The following ABCA1 variants were observed in gnomAD, a reference collection of about 807,000 sequenced individuals.
The protein encoded by ABCA1 is phospholipid-transporting ATPase ABCA1.
A neutral mutation model predicts 262.5 loss-of-function variants in ABCA1; 133 were observed. The observed-to-expected ratio is 0.51, with a 90% CI of 0.44 to 0.59. The LOEUF is 0.59. ABCA1 is among the 20% of genes least tolerant of loss of function. The probability of loss-of-function intolerance (pLI) is 0.00; values close to 1 mark genes in which losing one functional copy is unlikely to be tolerated. For missense variants in ABCA1, 2,452 were observed against 2,777.5 expected, an observed-to-expected ratio of 0.88 and a Z score of 2.63; for synonymous variants, 1,022 against 1,043.5, an observed-to-expected ratio of 0.98 and a Z score of 0.40.
intron 5 of ABCA1, among the ~76,000 whole-genome samples, chr9:104,876,590 A>T (rs1309294301): frequency 6.6e-6 from 1 of 152,252 alleles, no homozygotes; most frequent in Non-Finnish European, 1.5e-5. Context: ...CCCATTAGGT[A>T]TCACTAAGCA....
chr9:104,843,791 T>C, intron 8 of ABCA1, among the ~76,000 whole-genome samples: 1 of 151,696 alleles, frequency 6.6e-6, no homozygotes. Flanking sequence ...GTGCATTTAT[T>C]GATCTTCTCC....
intron 1 of ABCA1, among the ~76,000 whole-genome samples, chr9:104,919,519 G>A (rs1337826258): frequency 6.6e-6 from 1 of 152,146 alleles, no homozygotes; most frequent in African/African-American, 2.4e-5. Context: ...GGTTGAGGCA[G>A]GAGAACTGCT....
chr9:104,832,620 A>G lies in ABCA1; in HGVS notation c.1463T>C (p.Phe488Ser). The change falls in exon 12 of 50, where the codon TTC becomes TCC. Residue 488 changes from phenylalanine to serine, a missense_variant. Phe to Ser is a radical substitution (Grantham distance 155). Around this residue, in one of 4 missense-constraint regions of ABCA1, gnomAD observed 1,032 missense variants for 1,089.7 expected, o/e 0.95. Coordinates refer to ENST00000374736, the MANE Select transcript of ABCA1 (RefSeq NM_005502.4). ...CCGGATTGCCTGGTTAGTCTCGTTG[A>G]AAGCTTCTCTCCAGGTGTACACAGA... Reference protein sequence around the residue: ...NGSVYTWREAFNETNQAIRTI... With the variant: ...NGSVYTWREASNETNQAIRTI... 6.2e-7 allele frequency: 1 copy of G among 1,614,226 alleles called. No individual in the cohort carries two copies. The highest frequency in any genetic ancestry group is 8.5e-7 in the Non-Finnish European group (1 of 1,180,042).
chr9:104,922,441 C>G (rs1420928936), intron 1 of ABCA1, among the ~76,000 whole-genome samples: 5 of 152,164 alleles, frequency 3.3e-5, no homozygotes, highest in Admixed American at 6.5e-5. Flanking sequence ...GTCTGGGATG[C>G]GACTTCAGCT....
At chr9:104,796,615 T>C (rs1224815769) in intron 37 of ABCA1, among the ~76,000 whole-genome samples, 191 bp from the exon 38 acceptor site, 5 of 152,228 alleles carry the variant, frequency 3.3e-5, no homozygotes, top group African/African-American at 1.2e-4. Context: ...TCCCCTTGGC[T>C]GATTTTATAA....
At chr9:104,871,631 C>T (rs1314801064) in intron 5 of ABCA1, among the ~76,000 whole-genome samples, 1 of 152,112 alleles carries the variant, frequency 6.6e-6, no homozygotes, top group Non-Finnish European at 1.5e-5. Flanking sequence ...AAAGAACCAA[C>T]ATCAGAAAAA....
intron 22 of ABCA1, among the ~76,000 whole-genome samples, chr9:104,819,199 G>C (rs1832047905): frequency 6.6e-6 from 1 of 152,146 alleles, no homozygotes; most frequent in African/African-American, 2.4e-5. Context: ...TATCGGCAAA[G>C]AAGGTGAGGC....
At position 104,840,524 on chromosome 9, in the gene ABCA1, C is replaced by T. The variant is rs944728598; in HGVS notation, c.814-5G>A. 11 of 1,608,704 alleles carry T rather than the reference C, an allele frequency of 6.8e-6. No individual in the cohort carries two copies. The highest frequency in any genetic ancestry group is 4.6e-5 in the East Asian group (2 of 43,894). ...CCAGCTTCTCATGCTGAACAGCTGG[C>T]GTCAGGGATGGGGACAGAAAGGAGG... is the stretch of plus-strand genomic sequence containing the variant. On this transcript the variant is annotated splice_polypyrimidine_tract_variant and splice_region_variant and intron_variant, in intron 8 of 49. Transcript: ENST00000374736.
chr9:104,787,779 C>G (rs1407864891), intron 46 of ABCA1, 141 bp downstream of exon 46: 1 of 1,571,500 alleles, frequency 6.4e-7, no homozygotes, highest in Non-Finnish European at 8.7e-7. Flanking sequence ...AGAAGCTTCC[C>G]TCTGCTTTTC....
Position 104,783,847 on chromosome 9 carries a change from T to C in ABCA1, c.*468A>G, listed in dbSNP as rs1828683706. On this transcript the variant is annotated 3_prime_UTR_variant, in exon 50 of 50. Transcript: ENST00000374736. Reference sequence around the variant, plus strand: ...ACTCTGGCACACTCATTGCCAGCAATGGATGTGTCACCGGGAAACCAGTCT... The same window carrying C: ...ACTCTGGCACACTCATTGCCAGCAACGGATGTGTCACCGGGAAACCAGTCT... The C allele has an allele frequency of 5.9e-6, 1 of 169,598 alleles. No individual in the cohort carries two copies. The highest frequency in any genetic ancestry group is 1.5e-4 in the South Asian group (1 of 6,822). 10.5% of individuals were successfully genotyped at this position (169,598 alleles called of 1,614,324 possible). A position where few individuals can be genotyped will look rare whatever the true frequency, so the allele number is the denominator to read the frequency against.
At chr9:104,906,618 T>C (rs1053799675) in intron 1 of ABCA1, among the ~76,000 whole-genome samples, 6 of 151,916 alleles carry the variant, frequency 3.9e-5, no homozygotes, top group Non-Finnish European at 8.8e-5. Context: ...CAGAACACAA[T>C]GATCAATACT....
rs112576543 is a variant in ABCA1, at chr9:104,812,517, C to G, written c.4050+57G>C. 9 of 1,611,182 alleles carry G rather than the reference C, an allele frequency of 5.6e-6. 1 individual carries two copies. In the African/African-American group the frequency reaches 6.7e-5, roughly 12 times the overall value. ...GATGCTATCCTGCCTTCACTGGTCA[C>G]AGAGCCTGCAGCCCACCCATGAAGC... On this transcript the variant is annotated intron_variant, in intron 28 of 49. Coordinates refer to ENST00000374736, the MANE Select transcript of ABCA1 (RefSeq NM_005502.4).
At chr9:104,791,149 TG>T (rs1263841895) in intron 43 of ABCA1, 121 bp from the exon 44 acceptor site, 12 of 715,528 alleles carry the variant, frequency 1.7e-5, no homozygotes, top group Non-Finnish European at 2.5e-5. Context: ...AATATTTTCT[TG>T]GTTTTAACAC....
At chr9:104,906,165 G>A (rs1031773015) in intron 1 of ABCA1, among the ~76,000 whole-genome samples, 1 of 152,160 alleles carries the variant, frequency 6.6e-6, no homozygotes, top group Non-Finnish European at 1.5e-5. Flanking sequence ...CAAACAGGAC[G>A]TTCCATTATT....
chr9:104,855,208 T>G, intron 7 of ABCA1: 4 of 976,368 alleles, frequency 4.1e-6, no homozygotes, highest in Non-Finnish European at 2.4e-6. Flanking sequence ...CTTTTTTTTC[T>G]TTTTCTGAGA....
In ABCA1 at chr9:104,814,130, C is replaced by G; in HGVS notation, c.3889G>C (p.Asp1297His). Residue 1297 changes from aspartate to histidine, a missense_variant, in exon 27 of 50, where the codon GAC becomes CAC. Coordinates refer to ENST00000374736, the MANE Select transcript of ABCA1 (RefSeq NM_005502.4). ...TGCCCTAACAGACCTGGGTCTATGT[C>G]AGAATCATTTGGATCAGCAGCATCA... The part of the protein sequence containing the change: ...EDDAADPNDS[D>H]IDPESRETDL... The G allele has an allele frequency of 6.2e-7, 1 of 1,614,198 alleles. No homozygotes were observed. The highest frequency in any genetic ancestry group is 8.5e-7 in the Non-Finnish European group (1 of 1,180,042).
At chr9:104,825,572 T>C (rs1346218512) in intron 17 of ABCA1, 111 bp downstream of exon 17, 9 of 1,092,422 alleles carry the variant, frequency 8.2e-6, no homozygotes, top group Middle Eastern at 2.3e-4. Context: ...ACTATAGATC[T>C]ATAGCCCAAA....
intron 46 of ABCA1, 152 bp downstream of exon 46, chr9:104,787,768 G>A (rs1237754512): frequency 1.3e-6 from 2 of 1,533,302 alleles, no homozygotes. Flanking sequence ...TGTGCCAAGG[G>A]AGAAGCTTCC....
chr9:104,783,995 A>AC lies in ABCA1; in HGVS notation c.*319_*320insG. 6.0e-6 allele frequency: 1 copy of AC among 166,592 alleles called. No individual in the cohort carries two copies. The highest frequency in any genetic ancestry group is 6.5e-5 in the Admixed American group (1 of 15,412). The allele number at this position is 166,592 out of a possible 1,614,324, so 10.3% of individuals were successfully genotyped here. ...ACCCCAATGAGAATACACAGGAACA[A>AC]AAAAAAAAAAAAAAGTGTGAGTTCA... On this transcript the variant is annotated 3_prime_UTR_variant, in exon 50 of 50. Coordinates refer to ENST00000374736, the MANE Select transcript of ABCA1 (RefSeq NM_005502.4).
Sources: allele counts gnomAD v4.1 joint callset (sites outside exome capture counted in the v4.1 genomes callset), GRCh38; gene constraint gnomAD v4.1.1; regional missense constraint gnomAD v4.1.1; transcripts MANE v1.5; gene names NCBI Gene and HGNC (gene_info 2026-07-23, HGNC 2026-07-21).